GRM5: variants seen among roughly 807,000 people sequenced by gnomAD.
GRM5 encodes glutamate metabotropic receptor 5.
A neutral mutation model predicts 83.1 loss-of-function variants in GRM5; 19 were observed. The observed-to-expected ratio is 0.23, with a 90% CI of 0.16 to 0.34. The LOEUF is 0.34. Among genes scored for constraint, GRM5 ranks in the 10% least tolerant of loss-of-function variants. The pLI, the probability that GRM5 is intolerant of heterozygous loss-of-function variation, is 1.00. For synonymous variants in GRM5, 675 were observed against 633.6 expected, an observed-to-expected ratio of 1.07 and a Z score of -0.98; for missense variants, 1,160 against 1,588.3, an observed-to-expected ratio of 0.73 and a Z score of 4.58.
chr11:88,973,023 A>G (rs1048084791), intron 2 of GRM5, among the ~76,000 whole-genome samples: 14 of 152,160 alleles, frequency 9.2e-5, no homozygotes, highest in Non-Finnish European at 1.8e-4. Flanking sequence ...AAGACAAAGA[A>G]AAAATAAGGA....
intron 3 of GRM5, among the ~76,000 whole-genome samples, chr11:88,793,364 A>G (rs1271251568): frequency 6.6e-6 from 1 of 152,184 alleles, no homozygotes; most frequent in Admixed American, 6.5e-5. Flanking sequence ...ATAATTCGAG[A>G]GAATTAATGG....
At chr11:88,974,698 T>C (rs1939278254) in intron 2 of GRM5, among the ~76,000 whole-genome samples, 1 of 152,164 alleles carries the variant, frequency 6.6e-6, no homozygotes, top group Admixed American at 6.6e-5. Flanking sequence ...AGATTTTCTT[T>C]TGTGTGCCCA....
At chr11:89,055,352 T>G (rs564535259) in intron 1 of GRM5, among the ~76,000 whole-genome samples, 83 of 152,294 alleles carry the variant, frequency 5.4e-4, no homozygotes, top group Non-Finnish European at 8.4e-4. Context: ...AAGCTAATAT[T>G]TAAAAATAGT....
intron 8 of GRM5, among the ~76,000 whole-genome samples, chr11:88,526,472 G>C (rs952016654): frequency 6.6e-6 from 1 of 152,192 alleles, no homozygotes; most frequent in South Asian, 2.1e-4. Context: ...TGTAGAGCTT[G>C]CAGGGGCCCA....
intron 8 of GRM5, among the ~76,000 whole-genome samples, chr11:88,536,281 C>T (rs1213001647): frequency 6.6e-6 from 1 of 151,906 alleles, no homozygotes; most frequent in African/African-American, 2.4e-5. Context: ...GTGTCACACA[C>T]ACAAAAAAGA....
At chr11:88,984,769 A>G in intron 2 of GRM5, 1 of 736,036 alleles carries the variant, frequency 1.4e-6, no homozygotes, top group Non-Finnish European at 2.5e-6. Context: ...GAATTACAGC[A>G]CTGCTGGGGA....
At chr11:88,946,760 A>C (rs373500675) in intron 2 of GRM5, among the ~76,000 whole-genome samples, 1 of 152,082 alleles carries the variant, frequency 6.6e-6, no homozygotes, top group East Asian at 1.9e-4. Flanking sequence ...AGACCAAATT[A>C]CGTTTTGCGT....
At chr11:88,880,047 T>C (rs1459283427) in intron 2 of GRM5, among the ~76,000 whole-genome samples, 1 of 152,058 alleles carries the variant, frequency 6.6e-6, no homozygotes, top group African/African-American at 2.4e-5. Flanking sequence ...GATTTCAATA[T>C]GAAAGACTGG....
intron 2 of GRM5, among the ~76,000 whole-genome samples, chr11:88,932,476 G>A (rs1237131779): frequency 6.6e-6 from 1 of 151,848 alleles, no homozygotes; most frequent in African/African-American, 2.4e-5. Flanking sequence ...TGTAAGTGAT[G>A]CTTAGCCTAG....
At chr11:88,722,419 C>T (rs1995204) in intron 3 of GRM5, among the ~76,000 whole-genome samples, 136,979 of 152,082 alleles carry the variant, frequency 0.9, 62,208 homozygotes, top group Non-Finnish European at 0.97. Flanking sequence ...AACACTTCTC[C>T]AAGTGTTGAG....
At chr11:88,717,054 A>G (rs1212839403) in intron 3 of GRM5, among the ~76,000 whole-genome samples, 1 of 152,008 alleles carries the variant, frequency 6.6e-6, no homozygotes, top group Non-Finnish European at 1.5e-5. Context: ...ATAGTAAATT[A>G]TCATGTATGT....
At chr11:88,813,884 A>T (rs1369711570) in intron 3 of GRM5, among the ~76,000 whole-genome samples, 1 of 152,100 alleles carries the variant, frequency 6.6e-6, no homozygotes, top group African/African-American at 2.4e-5. Context: ...ATTTCATCTC[A>T]TTTGACTCCA....
chr11:88,757,217 G>A (rs1266223088), intron 3 of GRM5, among the ~76,000 whole-genome samples: 1 of 152,104 alleles, frequency 6.6e-6, no homozygotes, highest in Non-Finnish European at 1.5e-5. Context: ...TTGAAAGTTC[G>A]GGAGATACAC....
chr11:88,682,441 A>C (rs1056711041), intron 3 of GRM5, among the ~76,000 whole-genome samples: 10 of 152,200 alleles, frequency 6.6e-5, no homozygotes, highest in Admixed American at 6.5e-4. Context: ...AATGGCTATA[A>C]TCAGGTTATG....
chr11:88,821,371 A>G (rs1016279974), intron 3 of GRM5, among the ~76,000 whole-genome samples: 4 of 130,976 alleles, frequency 3.1e-5, no homozygotes, highest in Admixed American at 3.0e-4. Context: ...AAGAAAAAAG[A>G]AAAAAAAAAA....
intron 3 of GRM5, among the ~76,000 whole-genome samples, chr11:88,792,476 G>A (rs1207877806): frequency 6.6e-6 from 1 of 152,038 alleles, no homozygotes; most frequent in Non-Finnish European, 1.5e-5. Flanking sequence ...TTAACATACT[G>A]TGTTCAAAAA....
At chr11:88,955,775 C>T (rs1047256366) in intron 2 of GRM5, among the ~76,000 whole-genome samples, 2 of 152,200 alleles carry the variant, frequency 1.3e-5, no homozygotes, top group Non-Finnish European at 2.9e-5. Context: ...CCTCCCACTA[C>T]AGAAAGTCTT....
intron 4 of GRM5, among the ~76,000 whole-genome samples, chr11:88,650,804 C>G (rs745474688): frequency 2.6e-5 from 4 of 151,956 alleles, no homozygotes; most frequent in Non-Finnish European, 5.9e-5. Context: ...GTTGGCTAAA[C>G]TCTAGACAAA....
intron 4 of GRM5, among the ~76,000 whole-genome samples, chr11:88,642,611 G>A (rs895255427): frequency 6.6e-6 from 1 of 152,118 alleles, no homozygotes; most frequent in African/African-American, 2.4e-5. Flanking sequence ...CCACATCTGA[G>A]CACAGACAGA....
Sources: allele counts gnomAD v4.1 joint callset (sites outside exome capture counted in the v4.1 genomes callset), GRCh38; gene constraint gnomAD v4.1.1; transcripts MANE v1.5; gene names NCBI Gene and HGNC (gene_info 2026-07-23, HGNC 2026-07-21).